The following ZRANB3 variants were observed in gnomAD, a reference collection of about 807,000 sequenced individuals.
The protein encoded by ZRANB3 is DNA annealing helicase and endonuclease ZRANB3.
Under a neutral mutation model 133.8 loss-of-function variants are expected in ZRANB3, and 125 were observed. That is an observed-to-expected ratio of 0.93 (90% confidence interval 0.81 to 1.08). ZRANB3 has a LOEUF of 1.08. Among genes scored for constraint, ZRANB3 ranks in the 50% least tolerant of loss-of-function variants. The pLI is 0.00. For missense variants in ZRANB3, 1,229 were observed against 1,275.5 expected (o/e 0.96, Z 0.56); for synonymous variants, 387 against 432.7 (o/e 0.89, Z 1.31).
At chr2:135,423,636 C>T (rs998390420) in intron 2 of ZRANB3, among the ~76,000 whole-genome samples, 1 of 151,962 alleles carries the variant, frequency 6.6e-6, no homozygotes, top group Non-Finnish European at 1.5e-5. Context: ...TCATCTACTA[C>T]CCAGAGGATT....
chr2:135,434,496 T>C (rs918036591), intron 2 of ZRANB3, among the ~76,000 whole-genome samples: 5 of 152,212 alleles, frequency 3.3e-5, no homozygotes, highest in Admixed American at 6.5e-5. Flanking sequence ...GTTAAAATGG[T>C]GATTGATGTG....
intron 17 of ZRANB3, among the ~76,000 whole-genome samples, chr2:135,216,385 A>G (rs902004061): frequency 1.3e-5 from 2 of 152,154 alleles, no homozygotes; most frequent in African/African-American, 4.8e-5. Context: ...AGGCAGCAAG[A>G]GCTAAAGGGC....
chr2:135,200,514 T>C, intron 20 of ZRANB3, 74 bp from the exon 21 acceptor site: 2 of 1,278,960 alleles, frequency 1.6e-6, no homozygotes, highest in Admixed American at 4.4e-5. Context: ...AAACTCTTTA[T>C]ATTGTTAGTT....
chr2:135,228,913 G>C (rs901326420), intron 13 of ZRANB3, among the ~76,000 whole-genome samples: 1 of 151,506 alleles, frequency 6.6e-6, no homozygotes, highest in Non-Finnish European at 1.5e-5. Context: ...TTGAATCATG[G>C]GTCTAGAAAT....
At chr2:135,289,183 C>T (rs1681553005) in intron 8 of ZRANB3, among the ~76,000 whole-genome samples, 1 of 152,054 alleles carries the variant, frequency 6.6e-6, no homozygotes, top group Non-Finnish European at 1.5e-5. Flanking sequence ...TTATTGTTGA[C>T]TCAGTGATCA....
intron 2 of ZRANB3, among the ~76,000 whole-genome samples, chr2:135,413,735 A>T (rs1340649753): frequency 9.9e-5 from 15 of 152,154 alleles, no homozygotes; most frequent in Admixed American, 9.8e-4. Context: ...CTCTATTTCC[A>T]CAGGTTTTGT....
intron 1 of ZRANB3, among the ~76,000 whole-genome samples, chr2:135,507,135 G>A (rs549905206): frequency 3.3e-5 from 5 of 152,298 alleles, no homozygotes; most frequent in South Asian, 4.1e-4. Context: ...CTGCTGATGC[G>A]GTACATGTAG....
intron 3 of ZRANB3, among the ~76,000 whole-genome samples, chr2:135,375,695 A>C (rs1686396183): frequency 6.6e-6 from 1 of 151,708 alleles, no homozygotes; most frequent in South Asian, 2.1e-4. Flanking sequence ...AAAAAAAAAA[A>C]AACCCACAAA....
At chr2:135,347,418 G>A (rs1235053201) in intron 5 of ZRANB3, among the ~76,000 whole-genome samples, 2 of 151,132 alleles carry the variant, frequency 1.3e-5, no homozygotes, top group South Asian at 2.1e-4. Flanking sequence ...TCAGCCTCCC[G>A]AGCAGCTGGG....
chr2:135,225,657 ATTTAC>A (rs973631731), intron 14 of ZRANB3, among the ~76,000 whole-genome samples: 3 of 152,142 alleles, frequency 2.0e-5, no homozygotes, highest in African/African-American at 7.2e-5. Flanking sequence ...TACTATATGT[ATTTAC>A]TTTATTACCT....
At chr2:135,510,471 C>A (rs1294734163) in intron 1 of ZRANB3, 4 of 524,430 alleles carry the variant, frequency 7.6e-6, no homozygotes, top group Non-Finnish European at 1.4e-5. Flanking sequence ...CTCCAAGATA[C>A]CAAAGGCTGG....
In ZRANB3 at chr2:135,283,435, C is replaced by A. The variant is rs138077749; in HGVS notation, c.967-7680G>T. Reference sequence around the variant, plus strand: ...ACCATCCTGGCTAACATGGTGAAACCCCATCTCTACTAAAATACAAAAAAA... The same window carrying A: ...ACCATCCTGGCTAACATGGTGAAACACCATCTCTACTAAAATACAAAAAAA... On this transcript the variant is annotated intron_variant, in intron 8 of 20. Transcript: ENST00000264159. Among the ~76,000 whole-genome samples the A allele has an allele frequency of 3.2e-3, 484 of 151,728 alleles. 2 individuals carry two copies. The highest frequency in any genetic ancestry group is 0.01 in the African/African-American group (428 of 41,382).
chr2:135,354,577 A>G (rs1685346769), intron 3 of ZRANB3, among the ~76,000 whole-genome samples: 1 of 152,234 alleles, frequency 6.6e-6, no homozygotes, highest in Non-Finnish European at 1.5e-5. Flanking sequence ...TATTCATACA[A>G]TGGAGTACTA....
chr2:135,300,015 T>G (rs538019873), intron 8 of ZRANB3, among the ~76,000 whole-genome samples: 1 of 152,154 alleles, frequency 6.6e-6, no homozygotes, highest in East Asian at 1.9e-4. Flanking sequence ...GCTTTAGGCA[T>G]AACTCTGTCT....
chr2:135,201,098 T>A (rs1269952028), intron 20 of ZRANB3, among the ~76,000 whole-genome samples: 4 of 152,146 alleles, frequency 2.6e-5, no homozygotes. Flanking sequence ...CAGAGGCCAT[T>A]TCCAACTCAA....
At chr2:135,364,811 G>A (rs1685851808) in intron 3 of ZRANB3, among the ~76,000 whole-genome samples, 1 of 152,066 alleles carries the variant, frequency 6.6e-6, no homozygotes, top group South Asian at 2.1e-4. Flanking sequence ...ATCACTTTGG[G>A]AGGCCGAGGC....
intron 8 of ZRANB3, among the ~76,000 whole-genome samples, chr2:135,277,588 T>C (rs1172334670): frequency 2.0e-5 from 3 of 152,156 alleles, no homozygotes; most frequent in Non-Finnish European, 4.4e-5. Context: ...GGATAATTCA[T>C]TGGTTATTAA....
chr2:135,508,805 T>A (rs1271063860), intron 1 of ZRANB3, among the ~76,000 whole-genome samples: 4 of 152,110 alleles, frequency 2.6e-5, no homozygotes, highest in Admixed American at 2.0e-4. Context: ...TAGGTTTAAT[T>A]GCTACAAAAA....
intron 1 of ZRANB3, among the ~76,000 whole-genome samples, chr2:135,507,323 T>C (rs1693233927): frequency 6.6e-6 from 1 of 152,186 alleles, no homozygotes; most frequent in Admixed American, 6.5e-5. Flanking sequence ...TGAAAATATA[T>C]GAGTCTGAAG....
Sources: gnomAD v4.1 joint callset for allele counts (sites outside exome capture counted in the v4.1 genomes callset) on GRCh38, gnomAD v4.1.1 for gene constraint, MANE v1.5 for transcripts, NCBI Gene and HGNC (gene_info 2026-07-23, HGNC 2026-07-21) for gene names.